The following AMN1 variants were observed in gnomAD, a reference collection of about 807,000 sequenced individuals.
The protein encoded by AMN1 is protein AMN1 homolog.
In AMN1, 20 loss-of-function variants were observed where a neutral mutation model predicts 33.0. The observed-to-expected ratio is 0.61, with a 90% CI of 0.43 to 0.88. The LOEUF (loss-of-function observed/expected upper bound fraction) is 0.88. AMN1 is among the 40% of genes least tolerant of loss of function. The pLI is 0.00. For synonymous variants in AMN1, 114 were observed against 111.9 expected, an observed-to-expected ratio of 1.02 and a Z score of -0.12; for missense variants, 246 against 307.4, an observed-to-expected ratio of 0.80 and a Z score of 1.49.
intron 5 of AMN1, among the ~76,000 whole-genome samples, chr12:31,692,061 A>C (rs1938522656): frequency 6.6e-6 from 1 of 151,674 alleles, no homozygotes; most frequent in African/African-American, 2.4e-5. Flanking sequence ...TATTTTTAGT[A>C]GAGACAGGGT....
chr12:31,706,479 G>T (rs570323474), intron 2 of AMN1, among the ~76,000 whole-genome samples: 1 of 152,084 alleles, frequency 6.6e-6, no homozygotes, highest in East Asian at 1.9e-4. Flanking sequence ...AGTGGTGGTG[G>T]CTGCAAACCC....
intron 3 of AMN1, among the ~76,000 whole-genome samples, chr12:31,698,726 T>C (rs1162476083): frequency 6.6e-6 from 1 of 151,760 alleles, no homozygotes; most frequent in African/African-American, 2.4e-5. Flanking sequence ...CTGTTTTCCA[T>C]ATCTTAAGAA....
intron 1 of AMN1, among the ~76,000 whole-genome samples, chr12:31,721,157 A>T (rs1294609607): frequency 6.6e-6 from 1 of 152,188 alleles, no homozygotes; most frequent in Non-Finnish European, 1.5e-5. Context: ...CGACAGTCTG[A>T]TTTGATTGGT....
At chr12:31,705,735 T>C (rs918785313) in intron 2 of AMN1, among the ~76,000 whole-genome samples, 4 of 152,170 alleles carry the variant, frequency 2.6e-5, no homozygotes, top group Non-Finnish European at 5.9e-5. Context: ...AGATAAGCTA[T>C]AGGTCTGCCT....
At chr12:31,719,440 T>C (rs1324996704) in intron 1 of AMN1, 2 of 284,678 alleles carry the variant, frequency 7.0e-6, no homozygotes, top group African/African-American at 4.5e-5. Flanking sequence ...TAAAAATATA[T>C]ACAATTATAC....
rs1295384953 is a variant in AMN1 at position 31,671,394 on chromosome 12, T to C, written c.*910A>G. 1 of 152,080 alleles carries C rather than the reference T, an allele frequency of 6.6e-6. No homozygotes were observed. The highest frequency in any genetic ancestry group is 2.4e-5 in the African/African-American group (1 of 41,402). 9.4% of individuals were successfully genotyped at this position (152,080 alleles called of 1,614,324 possible). ...GTTTTTCACTACATCAGAGGCAAAA[T>C]AAGAAATCTTTTAAGAAAATCTCAA... is the stretch of plus-strand genomic sequence containing the variant. On this transcript the variant is annotated 3_prime_UTR_variant, in exon 7 of 7. Coordinates refer to ENST00000281471, the MANE Select transcript of AMN1 (RefSeq NM_001113402.2).
chr12:31,680,457 C>A (rs1217342794), intron 6 of AMN1, among the ~76,000 whole-genome samples: 1 of 152,158 alleles, frequency 6.6e-6, no homozygotes, highest in Non-Finnish European at 1.5e-5. Context: ...TGCCTCGGCC[C>A]CCCCACAGGG....
intron 6 of AMN1, among the ~76,000 whole-genome samples, chr12:31,679,352 C>A (rs1937891824): frequency 6.6e-6 from 1 of 151,884 alleles, no homozygotes; most frequent in South Asian, 2.1e-4. Flanking sequence ...CATGGTGAAA[C>A]CCTATCTCTA....
In AMN1 at chr12:31,672,108, C is replaced by G; in HGVS notation, c.*196G>C. 1 of 502,208 alleles carries G rather than the reference C, an allele frequency of 2.0e-6. No individual in the cohort carries two copies. The highest frequency in any genetic ancestry group is 1.9e-5 in the African/African-American group (1 of 52,116). The allele number at this position is 502,208 out of a possible 1,614,324, so 31.1% of individuals were successfully genotyped here. On this transcript the variant is annotated 3_prime_UTR_variant, in exon 7 of 7. Transcript: ENST00000281471. ...ATCCAACAGATATAGAATAATAGCA[C>G]TTTAAAGATGTTTAAGAGTAAAGCA...
intron 6 of AMN1, among the ~76,000 whole-genome samples, chr12:31,676,580 C>T (rs1484773156): frequency 6.6e-6 from 1 of 150,868 alleles, no homozygotes; most frequent in African/African-American, 2.4e-5. Flanking sequence ...CCTTGGCCTC[C>T]CAAAGTGCTG....
chr12:31,728,562 C>T (rs558917609), intron 1 of AMN1, among the ~76,000 whole-genome samples: 1 of 152,192 alleles, frequency 6.6e-6, no homozygotes, highest in Non-Finnish European at 1.5e-5. Flanking sequence ...TTACCTTTAT[C>T]CCAGGGTCTG....
chr12:31,722,494 T>C (rs2139731947), intron 1 of AMN1, among the ~76,000 whole-genome samples: 1 of 152,248 alleles, frequency 6.6e-6, no homozygotes, highest in Non-Finnish European at 1.5e-5. Context: ...CACACTCTCC[T>C]GGTCCATGCA....
Position 31,683,580 on chromosome 12 carries a change from GTAAA to G in AMN1, c.703+5423_703+5426del, listed in dbSNP as rs201080002. On this transcript the variant is annotated intron_variant, in intron 6 of 6. Transcript: ENST00000281471. The surrounding 1 kb of genome is among the most constrained non-coding windows in gnomAD (Gnocchi z 4.1). The stretch of plus-strand genomic sequence containing the variant: ...TCTTTCCTGTGCTGTTCTTATGATA[GTAAA>G]TAAGTCTCATGAGATCTGATGGTTT... Among the ~76,000 whole-genome samples the G allele has an allele frequency of 0.041, 6,289 of 152,290 alleles. 198 individuals carry two copies. Among genetic ancestry groups the G allele is most frequent in the Non-Finnish European group, 0.062 (4,217 of 68,004 alleles).
rs976166071 is a variant in AMN1 at position 31,673,638 on chromosome 12, C to G, written c.704-1261G>C. ...ACTCTTTCTGTGAGGCCAGTGTTAC[C>G]CTGATACCAAAGCCAGACAAAGACA... On this transcript the variant is annotated intron_variant, in intron 6 of 6. Transcript: ENST00000281471. The G allele has an allele frequency of 2.3e-5, 10 of 438,890 alleles. No individual in the cohort carries two copies. In the Admixed American group the frequency reaches 2.5e-4, roughly 11 times the overall value. 27.2% of individuals were successfully genotyped at this position (438,890 alleles called of 1,614,324 possible).
chr12:31,695,086 A>T (rs1354574285), intron 5 of AMN1, among the ~76,000 whole-genome samples: 1 of 152,236 alleles, frequency 6.6e-6, no homozygotes, highest in Non-Finnish European at 1.5e-5. Flanking sequence ...CTGAAAAAAT[A>T]AAAAATGTAA....
chr12:31,707,724 T>C (rs1441227812), intron 2 of AMN1, among the ~76,000 whole-genome samples: 2 of 152,170 alleles, frequency 1.3e-5, no homozygotes, highest in Non-Finnish European at 2.9e-5. Context: ...TAAACCTTTT[T>C]GCTTGGATTT....
chr12:31,708,199 G>C (rs1473264297), intron 2 of AMN1, among the ~76,000 whole-genome samples: 1 of 152,202 alleles, frequency 6.6e-6, no homozygotes, highest in African/African-American at 2.4e-5. Flanking sequence ...AAACAGACGT[G>C]CAAGTAGGAG....
intron 3 of AMN1, among the ~76,000 whole-genome samples, chr12:31,700,994 T>G (rs956754292): frequency 6.7e-6 from 1 of 150,234 alleles, no homozygotes; most frequent in Non-Finnish European, 1.5e-5. Flanking sequence ...TGGCCAATTT[T>G]TTGTTGTTGT....
At chr12:31,684,049 T>C (rs1592150183) in intron 6 of AMN1, among the ~76,000 whole-genome samples, 1 of 152,196 alleles carries the variant, frequency 6.6e-6, no homozygotes, top group Non-Finnish European at 1.5e-5. Flanking sequence ...GATAATAAAA[T>C]GTGTCAATAT....
Sources: gnomAD v4.1 joint callset for allele counts (sites outside exome capture counted in the v4.1 genomes callset) on GRCh38, gnomAD v4.1.1 for gene constraint, Gnocchi (gnomAD v3.1) non-coding constraint, MANE v1.5 for transcripts, NCBI Gene and HGNC (gene_info 2026-07-23, HGNC 2026-07-21) for gene names.